PDCD4: variants seen among roughly 807,000 people sequenced by gnomAD.
PDCD4 encodes the protein programmed cell death protein 4.
In PDCD4, 56 loss-of-function variants were observed where a neutral mutation model predicts 54.0. The ratio of observed to expected loss-of-function variants is 1.04; its 90% CI spans 0.84 to 1.30. The LOEUF (loss-of-function observed/expected upper bound fraction) is 1.30. Ranked by LOEUF, PDCD4 falls within the 50% of genes most tolerant of loss-of-function variation. PDCD4 has a pLI of 0.00. For missense variants in PDCD4, 584 were observed against 559.8 expected, an observed-to-expected ratio of 1.04 and a Z score of -0.44; for synonymous variants, 186 against 194.8, an observed-to-expected ratio of 0.95 and a Z score of 0.37.
intron 11 of PDCD4, among the ~76,000 whole-genome samples, chr10:110,897,517 C>T (rs542305687): frequency 1.5e-4 from 23 of 152,158 alleles, no homozygotes; most frequent in Non-Finnish European, 2.2e-4. Flanking sequence ...TGACAAAGCA[C>T]GAATCCCAAA....
At chr10:110,890,971 T>C (rs1355337049) in intron 8 of PDCD4, 1 of 203,348 alleles carries the variant, frequency 4.9e-6, no homozygotes, top group African/African-American at 2.3e-5. Context: ...CAAATGCTGT[T>C]GAAATGAGAT....
rs1168248170 is a variant in PDCD4 at position 110,898,327 on chromosome 10, C to G, written c.*239C>G. The G allele has an allele frequency of 9.2e-6, 3 of 324,908 alleles. No homozygotes were observed. Among genetic ancestry groups the G allele is most frequent in the Admixed American group, 9.7e-5 (2 of 20,630 alleles). 20.1% of individuals were successfully genotyped at this position (324,908 alleles called of 1,614,324 possible). On this transcript the variant is annotated 3_prime_UTR_variant, in exon 12 of 12. Transcript: ENST00000280154. ...GTAACCTCTTCTTAAGTGGAATATT[C>G]TAATAAGCTACCTTTTGTAAGTGCC...
intron 2 of PDCD4, among the ~76,000 whole-genome samples, chr10:110,877,822 A>T (rs1845529764): frequency 6.6e-6 from 1 of 152,192 alleles, no homozygotes. Flanking sequence ...TCTGACCTTC[A>T]GTTTTTTCAT....
At chr10:110,879,933 T>C (rs1845566180) in intron 2 of PDCD4, among the ~76,000 whole-genome samples, 1 of 152,242 alleles carries the variant, frequency 6.6e-6, no homozygotes, top group African/African-American at 2.4e-5. Flanking sequence ...TTTCAACATG[T>C]CTTAAAACAT....
rs1845825635 is a variant in PDCD4, at chr10:110,895,995, C to A, written c.1257C>A (p.Val419=). ...YNEIPDINLD[V]PHSYSVLERF... ...AAATTCCGGACATTAATCTGGATGTCCCACATTCATACTCTGTGCTGGAGC... is the reference window on the plus strand; with the variant it reads ...AAATTCCGGACATTAATCTGGATGTACCACATTCATACTCTGTGCTGGAGC... Residue 419 remains valine, a synonymous_variant, in exon 11 of 12, where the codon GTC becomes GTA. Coordinates refer to ENST00000280154, the MANE Select transcript of PDCD4 (RefSeq NM_014456.5). 2.5e-6 allele frequency: 4 copies of A among 1,604,398 alleles called. No homozygotes were observed. The highest frequency in any genetic ancestry group is 3.4e-6 in the Non-Finnish European group (4 of 1,173,144).
At position 110,885,340 on chromosome 10, in the gene PDCD4, G is replaced by T; in HGVS notation, c.529G>T (p.Glu177Ter). 4.4e-6 allele frequency: 7 copies of T among 1,575,978 alleles called. No individual in the cohort carries two copies. Among genetic ancestry groups the T allele is most frequent in the Non-Finnish European group, 6.1e-6 (7 of 1,149,788 alleles). ...AACACCAATCATACAGGAATATTTT[G>T]AGCATGGAGATACTAATGAAGTTGC... Reference protein sequence around the residue: ...TLTPIIQEYFEHGDTNEVAEM... With the variant: ...TLTPIIQEYF The change falls in exon 5 of 12, where the codon GAG becomes TAG. Residue 177 changes from glutamate to a stop codon, truncating the protein, a stop_gained. Transcript: ENST00000280154. LOFTEE classifies it high-confidence loss of function.
chr10:110,872,920 C>G (rs371604579), intron 1 of PDCD4, among the ~76,000 whole-genome samples: 4 of 152,284 alleles, frequency 2.6e-5, no homozygotes, highest in African/African-American at 9.6e-5. Context: ...TGAGAACTCG[C>G]TACGTAGCCA....
intron 5 of PDCD4, 47 bp from the exon 6 acceptor site, chr10:110,887,618 G>A (rs994171341): frequency 2.2e-5 from 29 of 1,327,732 alleles, no homozygotes; most frequent in Non-Finnish European, 3.1e-5. Context: ...TTGAACTATA[G>A]GTAGTGATAC....
At chr10:110,897,486 T>C (rs1469017462) in intron 11 of PDCD4, among the ~76,000 whole-genome samples, 1 of 152,222 alleles carries the variant, frequency 6.6e-6, no homozygotes, top group African/African-American at 2.4e-5. Context: ...GGTTACATTA[T>C]AGAGCAGGGC....
At chr10:110,876,530 C>T in intron 2 of PDCD4, 1 of 382,422 alleles carries the variant, frequency 2.6e-6, no homozygotes, top group Non-Finnish European at 4.7e-6. Context: ...TTCCTATTCT[C>T]TGTTATATAG....
At chr10:110,879,425 G>T (rs2135194072) in intron 2 of PDCD4, among the ~76,000 whole-genome samples, 1 of 152,238 alleles carries the variant, frequency 6.6e-6, no homozygotes, top group South Asian at 2.1e-4. Flanking sequence ...CCAGCACTTT[G>T]GGAGGCCGAC....
In PDCD4 at chr10:110,885,316, A is replaced by G. The variant is rs1167414733; in HGVS notation, c.505A>G (p.Thr169Ala). The part of the protein sequence containing the change: ...LDERAFEKTL[T>A]PIIQEYFEHG... ...TGAAAGGGCATTTGAGAAGACTTTA[A>G]CACCAATCATACAGGAATATTTTGA... Residue 169 changes from threonine to alanine, a missense_variant, in exon 5 of 12, where the codon ACA (threonine) becomes GCA (alanine). Physicochemically the swap from Thr to Ala is moderately conservative, Grantham distance 58. Transcript: ENST00000280154. 1 of 1,600,072 alleles carries G rather than the reference A, an allele frequency of 6.2e-7. No individual in the cohort carries two copies. Among genetic ancestry groups the G allele is most frequent in the East Asian group, 2.3e-5 (1 of 44,434 alleles).
intron 2 of PDCD4, among the ~76,000 whole-genome samples, chr10:110,880,915 A>T (rs1845580255): frequency 1.3e-5 from 2 of 152,216 alleles, no homozygotes; most frequent in Non-Finnish European, 2.9e-5. Flanking sequence ...TGTTGCTGTT[A>T]GCATAGATTT....
chr10:110,888,690 T>G lies in PDCD4; in HGVS notation c.777+804T>G, dbSNP rs149068031. ...AATGGAATCATACCATTATGCTATT[T>G]TATAAACTTGATTTTTCTCATACCA... On this transcript the variant is annotated intron_variant, in intron 6 of 11. Transcript: ENST00000280154. Among the ~76,000 whole-genome samples, 1,043 of 152,322 alleles carry G rather than the reference T, an allele frequency of 6.8e-3. 38 individuals carry two copies. The highest frequency in any genetic ancestry group is 0.063 in the Admixed American group (958 of 15,310).
intron 11 of PDCD4, among the ~76,000 whole-genome samples, chr10:110,896,806 C>G (rs368773298): frequency 6.6e-6 from 1 of 151,904 alleles, no homozygotes; most frequent in East Asian, 1.9e-4. Context: ...ATTTCTTAAG[C>G]TTTGATATTT....
intron 1 of PDCD4, among the ~76,000 whole-genome samples, chr10:110,873,456 G>A (rs1433619239): frequency 6.6e-6 from 1 of 152,192 alleles, no homozygotes; most frequent in Non-Finnish European, 1.5e-5. Context: ...TTTCGTGGGG[G>A]AGTGGAGGGT....
chr10:110,894,402 C>G lies in PDCD4; in HGVS notation c.1099-10C>G, dbSNP rs373184851. On this transcript the variant is annotated splice_polypyrimidine_tract_variant and intron_variant, in intron 9 of 11. Transcript: ENST00000280154. ...TTAACCAAAAATTCACTCATTGATT[C>G]AATTTTTAGGCTATTATAATGGTTT... The G allele has an allele frequency of 1.0e-5, 14 of 1,378,234 alleles. No individual in the cohort carries two copies. Among genetic ancestry groups the G allele is most frequent in the Middle Eastern group, 1.8e-4 (1 of 5,534 alleles). 85.4% of individuals were successfully genotyped at this position (1,378,234 alleles called of 1,614,324 possible). A position where few individuals can be genotyped will look rare whatever the true frequency, so the allele number is the denominator to read the frequency against.
chr10:110,878,844 G>A (rs752112843), intron 2 of PDCD4, among the ~76,000 whole-genome samples: 12 of 150,918 alleles, frequency 8.0e-5, no homozygotes, highest in Non-Finnish European at 1.6e-4. Flanking sequence ...ACCAGGTAGT[G>A]TGGAATCTAA....
chr10:110,896,653 A>G (rs1358398563), intron 11 of PDCD4, among the ~76,000 whole-genome samples: 1 of 152,086 alleles, frequency 6.6e-6, no homozygotes, highest in Non-Finnish European at 1.5e-5. Flanking sequence ...TTTTGCTACT[A>G]GTTGGTAAGT....
Sources: allele counts gnomAD v4.1 joint callset (sites outside exome capture counted in the v4.1 genomes callset), GRCh38; gene constraint gnomAD v4.1.1; transcripts MANE v1.5; gene names NCBI Gene and HGNC (gene_info 2026-07-23, HGNC 2026-07-21).